The following MMP26 variants were observed in gnomAD, a reference collection of about 807,000 sequenced individuals.
MMP26 encodes matrix metalloproteinase-26.
MMP26 carries 33 observed loss-of-function variants against 31.0 expected under a neutral mutation model. That is an observed-to-expected ratio of 1.06 (90% CI 0.81 to 1.42). The LOEUF (loss-of-function observed/expected upper bound fraction) is 1.42. Among genes scored for constraint, MMP26 ranks in the 40% most tolerant of loss-of-function variants. The pLI is 0.00. For missense variants in MMP26, 347 were observed against 316.1 expected, an observed-to-expected ratio of 1.10 and a Z score of -0.74; for synonymous variants, 122 against 114.9, an observed-to-expected ratio of 1.06 and a Z score of -0.40.
chr11:4,949,164 G>T lies in MMP26; in HGVS notation c.-144-38904G>T, dbSNP rs367739255. ...GTAGCTTATTAAATACTTGTTGAAT[G>T]AATAAATGATTGTATTTTTTAAACT... On this transcript the variant is annotated intron_variant, in intron 2 of 7. Coordinates refer to ENST00000380390, the MANE Select transcript of MMP26 (RefSeq NM_021801.5). 2.5e-4 allele frequency among the ~76,000 whole-genome samples: 31 copies of T among 124,094 alleles called. 9 individuals are homozygous for T. The Middle Eastern group carries it at 0.02, about 79-fold the overall frequency. 81.4% of individuals were successfully genotyped at this position (124,094 alleles called of 152,430 possible).
chr11:4,991,285 C>G, intron 5 of MMP26, 86 bp from the exon 6 acceptor site: 1 of 1,483,150 alleles, frequency 6.7e-7, no homozygotes, highest in Non-Finnish European at 9.1e-7. Flanking sequence ...GCACAGTATC[C>G]TAAGTCTCTG....
chr11:4,982,119 C>A (rs1846823023), intron 2 of MMP26, among the ~76,000 whole-genome samples: 1 of 151,572 alleles, frequency 6.6e-6, no homozygotes, highest in Non-Finnish European at 1.5e-5. Flanking sequence ...AATATACATA[C>A]ACATATAAAC....
At chr11:4,991,927 A>C in intron 6 of MMP26, 37 bp from the exon 7 acceptor site, 1 of 1,513,212 alleles carries the variant, frequency 6.6e-7, no homozygotes, top group East Asian at 2.4e-5. Context: ...CCCTATGCAT[A>C]GTTAATTTTA....
intron 2 of MMP26, among the ~76,000 whole-genome samples, chr11:4,867,541 C>T (rs1472578929): frequency 6.6e-6 from 1 of 151,904 alleles, no homozygotes; most frequent in African/African-American, 2.4e-5. Flanking sequence ...CAGGCATGCA[C>T]CATCACGTCT....
intron 2 of MMP26, among the ~76,000 whole-genome samples, chr11:4,983,907 C>T (rs373215280): frequency 2.0e-5 from 3 of 152,154 alleles, no homozygotes; most frequent in Admixed American, 6.5e-5. Flanking sequence ...TATCCACAGG[C>T]GATTCTATGC....
At chr11:4,880,710 G>T (rs1037739571) in intron 2 of MMP26, among the ~76,000 whole-genome samples, 2 of 152,158 alleles carry the variant, frequency 1.3e-5, no homozygotes, top group East Asian at 3.9e-4. Flanking sequence ...ACCAATATCA[G>T]TTGTGCCTCA....
At chr11:4,917,139 G>A (rs1340107128) in intron 2 of MMP26, among the ~76,000 whole-genome samples, 1 of 92,572 alleles carries the variant, frequency 1.1e-5, no homozygotes, top group African/African-American at 4.3e-5. Flanking sequence ...GTACGCAGCA[G>A]ATGCCAAGAA....
At chr11:4,928,424 C>T (rs537194370) in intron 2 of MMP26, among the ~76,000 whole-genome samples, 1 of 152,268 alleles carries the variant, frequency 6.6e-6, no homozygotes, top group Admixed American at 6.5e-5. Context: ...AAATGGTTCA[C>T]CAACCCATTT....
intron 2 of MMP26, among the ~76,000 whole-genome samples, chr11:4,931,820 C>T (rs536222649): frequency 2.6e-5 from 4 of 152,046 alleles, no homozygotes; most frequent in African/African-American, 9.6e-5. Flanking sequence ...AGGTTGGTAG[C>T]ATACATATAG....
intron 2 of MMP26, among the ~76,000 whole-genome samples, chr11:4,917,096 C>T (rs896585788): frequency 1.3e-5 from 2 of 152,174 alleles, no homozygotes; most frequent in Non-Finnish European, 2.9e-5. Context: ...TCTTTGTTTA[C>T]CTCTATTAAT....
chr11:4,823,205 C>A (rs1849534855), intron 2 of MMP26, among the ~76,000 whole-genome samples: 3 of 151,544 alleles, frequency 2.0e-5, no homozygotes, highest in African/African-American at 7.3e-5. Flanking sequence ...GAAGTGAATA[C>A]TCTGTAGTGA....
At chr11:4,989,517 A>C (rs1156964382) in intron 3 of MMP26, 131 bp from the exon 4 acceptor site, 1 of 646,652 alleles carries the variant, frequency 1.5e-6, no homozygotes, top group Non-Finnish European at 2.7e-6. Context: ...TCTGACTGAG[A>C]ACAGGAGACT....
rs553531918 is a variant in MMP26, at chr11:4,887,718, TGTTA to T, written c.-144-100344_-144-100341del. Among the ~76,000 whole-genome samples the T allele has an allele frequency of 1.7e-3, 254 of 152,270 alleles. 3 individuals carry two copies. Among genetic ancestry groups the T allele is most frequent in the African/African-American group, 5.8e-3 (240 of 41,574 alleles). On this transcript the variant is annotated intron_variant, in intron 2 of 7. Transcript: ENST00000380390. The stretch of plus-strand genomic sequence containing the variant: ...GTTTTTCAAAGCAAGTTGGGAAATG[TGTTA>T]GTTAGACTACTAGTCAGATGCAATT...
intron 2 of MMP26, among the ~76,000 whole-genome samples, chr11:4,983,130 A>G (rs1285504253): frequency 6.6e-6 from 1 of 152,232 alleles, no homozygotes; most frequent in Non-Finnish European, 1.5e-5. Context: ...GAATAAATAA[A>G]TTGCAAATGC....
At chr11:4,750,766 G>A (rs1384776569) in intron 1 of MMP26, among the ~76,000 whole-genome samples, 1 of 151,928 alleles carries the variant, frequency 6.6e-6, no homozygotes, top group African/African-American at 2.4e-5. Context: ...TTGGTAACTG[G>A]GAAGGGTAGG....
chr11:4,991,860 T>G, intron 6 of MMP26, 104 bp from the exon 7 acceptor site: 1 of 1,103,452 alleles, frequency 9.1e-7, no homozygotes, highest in East Asian at 2.6e-5. Context: ...CATTTGCCCT[T>G]TCCTCGTTTT....
At chr11:4,717,144 C>T (rs1847945398) in intron 1 of MMP26, among the ~76,000 whole-genome samples, 1 of 152,196 alleles carries the variant, frequency 6.6e-6, no homozygotes, top group Non-Finnish European at 1.5e-5. Context: ...GACTCCATCC[C>T]CTCCAACTTT....
chr11:4,860,006 T>A (rs780729658), intron 2 of MMP26: 63 of 470,916 alleles, frequency 1.3e-4, no homozygotes, highest in Non-Finnish European at 2.2e-4. Context: ...GCTAGCCGCA[T>A]CATGTTTTGG....
chr11:4,767,793 C>A (rs1212912392), intron 2 of MMP26, among the ~76,000 whole-genome samples: 1 of 152,184 alleles, frequency 6.6e-6, no homozygotes, highest in African/African-American at 2.4e-5. Flanking sequence ...TGGTACATTT[C>A]TTCCACCTAT....
Sources: allele counts gnomAD v4.1 joint callset (sites outside exome capture counted in the v4.1 genomes callset), GRCh38; gene constraint gnomAD v4.1.1; transcripts MANE v1.5; gene names NCBI Gene and HGNC (gene_info 2026-07-23, HGNC 2026-07-21).